The following ABCA4 variants were observed in gnomAD, a reference collection of about 807,000 sequenced individuals.
ABCA4 encodes ATP binding cassette subfamily A member 4.
ABCA4 carries 196 observed loss-of-function variants against 263.7 expected under a neutral mutation model. The observed-to-expected ratio is 0.74, with a 90% CI of 0.66 to 0.84. ABCA4 has a LOEUF of 0.84. Among genes scored for constraint, ABCA4 ranks in the 40% least tolerant of loss-of-function variants. The pLI, the probability that ABCA4 is intolerant of heterozygous loss-of-function variation, is 0.00. For synonymous variants in ABCA4, 1,133 were observed against 1,094.2 expected (o/e 1.04, Z -0.70); for missense variants, 2,792 against 2,855.1 (o/e 0.98, Z 0.50).
chr1:94,077,558 G>A, intron 11 of ABCA4, 132 bp downstream of exon 11: 3 of 818,334 alleles, frequency 3.7e-6, no homozygotes, highest in Non-Finnish European at 3.9e-6. Flanking sequence ...TACAGGGGAT[G>A]TAGGGATTCT....
At position 94,030,723 on chromosome 1, in the gene ABCA4, T is replaced by A. The variant is rs565283017; in HGVS notation, c.4254-197A>T. 8.5e-5 allele frequency among the ~76,000 whole-genome samples: 13 copies of A among 152,336 alleles called. No individual in the cohort carries two copies. The East Asian group carries it at 2.5e-3, about 29-fold the overall frequency. ...CAGTGGTCTGATGGCATGTCACCTA[T>A]GCCTCAAAAAGATGGCGCTTCAACC... On this transcript the variant is annotated intron_variant, in intron 28 of 49. Transcript: ENST00000370225.
chr1:94,029,693 A>ACAATTTCTTATGCC, intron 29 of ABCA4, 62 bp from the exon 30 acceptor site: 1 of 1,513,546 alleles, frequency 6.6e-7, no homozygotes, highest in Non-Finnish European at 9.1e-7. Flanking sequence ...ATCCCTAGGC[A>ACAATTTCTTATGCC]TAAGAAATTG....
In ABCA4 at chr1:93,992,993, C is replaced by G; in HGVS notation, c.*244G>C. On this transcript the variant is annotated 3_prime_UTR_variant, in exon 50 of 50. Transcript: ENST00000370225. ...GGCCCGGGGTTTCTAGTTCTGGGGT[C>G]TGGAGAAGGATTTTGTATTTGTTTG... 1 of 569,926 alleles carries G rather than the reference C, an allele frequency of 1.8e-6. No homozygotes were observed. Among genetic ancestry groups the G allele is most frequent in the Non-Finnish European group, 3.1e-6 (1 of 320,038 alleles). 35.3% of individuals were successfully genotyped at this position (569,926 alleles called of 1,614,324 possible). A position where few individuals can be genotyped will look rare whatever the true frequency, so the allele number is the denominator to read the frequency against.
intron 7 of ABCA4, among the ~76,000 whole-genome samples, chr1:94,082,057 A>T (rs1661716065): frequency 6.6e-6 from 1 of 152,176 alleles, no homozygotes. Flanking sequence ...CCACATGCCA[A>T]CACTTGCCCT....
intron 48 of ABCA4, 113 bp downstream of exon 48, chr1:93,997,748 A>C: frequency 3.5e-5 from 49 of 1,388,596 alleles, no homozygotes; most frequent in Middle Eastern, 2.3e-4. Context: ...ACAGAGGGCA[A>C]GAGTTTGTTA....
intron 39 of ABCA4, 46 bp from the exon 40 acceptor site, chr1:94,010,975 C>A: frequency 6.2e-7 from 1 of 1,613,762 alleles, no homozygotes; most frequent in South Asian, 1.1e-5. Context: ...CCCCAGCTCA[C>A]CCCACAGACC....
chr1:93,998,456 G>C lies in ABCA4; in HGVS notation c.6480-346C>G, dbSNP rs145254020. 4.7e-3 allele frequency among the ~76,000 whole-genome samples: 722 copies of C among 152,160 alleles called. 4 individuals are homozygous for C. The highest frequency in any genetic ancestry group is 0.011 in the South Asian group (54 of 4,814). ...TGATCATGCCACTGCACTCCAGCCT[G>C]GGTGACAGAGTGAGACCCTGTCTCA... is the stretch of plus-strand genomic sequence containing the variant. On this transcript the variant is annotated intron_variant, in intron 47 of 49. Transcript: ENST00000370225.
At chr1:94,006,977 C>G (rs2101002441) in intron 43 of ABCA4, among the ~76,000 whole-genome samples, 1 of 152,356 alleles carries the variant, frequency 6.6e-6, no homozygotes, top group African/African-American at 2.4e-5. Context: ...GGGGACCAGT[C>G]TGTTTAAACA....
chr1:94,042,698 G>T, intron 22 of ABCA4, 63 bp downstream of exon 22: 1 of 1,610,058 alleles, frequency 6.2e-7, no homozygotes. Flanking sequence ...AGGTGAGAGA[G>T]TGGGGACCAC....
chr1:94,033,856 T>G (rs1660272600), intron 26 of ABCA4, among the ~76,000 whole-genome samples: 1 of 152,080 alleles, frequency 6.6e-6, no homozygotes, highest in African/African-American at 2.4e-5. Flanking sequence ...TGATCCGGGC[T>G]CAGATTTGAT....
rs570702852 is a variant in ABCA4 at position 94,065,526 on chromosome 1, G to A, written c.1555-2209C>T. Among the ~76,000 whole-genome samples, 6 of 152,290 alleles carry A rather than the reference G, an allele frequency of 3.9e-5. No homozygotes were observed. The East Asian group carries it at 1.2e-3, about 29-fold the overall frequency. On this transcript the variant is annotated intron_variant, in intron 11 of 49. Coordinates refer to ENST00000370225, the MANE Select transcript of ABCA4 (RefSeq NM_000350.3). The stretch of plus-strand genomic sequence containing the variant: ...CCACCTGCGCCTCAGAGTATGCACC[G>A]GAAGCCTCTGGCGATTCAGAGGCTG...
rs141189538 is a variant in ABCA4 at position 94,073,785 on chromosome 1, T to A, written c.1554+3905A>T. 8.3e-3 allele frequency among the ~76,000 whole-genome samples: 1,270 copies of A among 152,186 alleles called. 13 individuals carry two copies. The highest frequency in any genetic ancestry group is 0.029 in the African/African-American group (1,200 of 41,522). The stretch of plus-strand genomic sequence containing the variant: ...AATAATCCTTCTGGAAAACAAGACA[T>A]TTATGTCACGATACGAATGTCAAGT... On this transcript the variant is annotated intron_variant, in intron 11 of 49. Transcript: ENST00000370225.
Position 94,062,576 on chromosome 1 carries a change from C to T in ABCA4, c.1937+1G>A, listed in dbSNP as rs61752401. ...AGGAGGATCGCGAACTTCAGACTCA[C>T]GAATCGTCCACGAAGCAGGGGTAGG... On this transcript the variant is annotated splice_donor_variant, in intron 13 of 49. Coordinates refer to ENST00000370225, the MANE Select transcript of ABCA4 (RefSeq NM_000350.3). LOFTEE classifies it high-confidence loss of function. 10 of 1,609,902 alleles carry T rather than the reference C, an allele frequency of 6.2e-6. No homozygotes were observed. The highest frequency in any genetic ancestry group is 7.6e-6 in the Non-Finnish European group (9 of 1,177,554).
Position 94,031,104 on chromosome 1 carries a change from G to A in ABCA4, c.4145C>T (p.Thr1382Ile), listed in dbSNP as rs1660189911. 3.1e-6 allele frequency: 5 copies of A among 1,614,152 alleles called. No individual in the cohort carries two copies. Among genetic ancestry groups the A allele is most frequent in the Middle Eastern group, 1.6e-4 (1 of 6,062 alleles). ...AAGCATCAGAGCCAAAAACACAAAGGTAGCCGGGAGCACGATCTGTGGGAG... is the reference window on the plus strand; with the variant it reads ...AAGCATCAGAGCCAAAAACACAAAGATAGCCGGGAGCACGATCTGTGGGAG... Reference protein sequence around the residue: ...DFLAQIVLPATFVFLALMLSI... With the variant: ...DFLAQIVLPAIFVFLALMLSI... The change falls in exon 28 of 50, where the codon ACC becomes ATC. Residue 1382 changes from threonine (T) to isoleucine (I), a missense_variant. Coordinates refer to ENST00000370225, the MANE Select transcript of ABCA4 (RefSeq NM_000350.3).
At chr1:94,042,959 C>T (rs1392855012) in intron 21 of ABCA4, 61 bp from the exon 22 acceptor site, 4 of 1,609,382 alleles carry the variant, frequency 2.5e-6, no homozygotes, top group Non-Finnish European at 3.4e-6. Flanking sequence ...AGAGAAAGGC[C>T]CAGGGCAAGT....
rs1659845637 is a variant in ABCA4, at chr1:94,019,746, C to T, written c.5032G>A (p.Val1678Met). The part of the protein sequence containing the change: ...LSEITVLTTS[V>M]DAVVAICVIF... ...ACGCAGATGGCAACCACAGCATCCACTGAAGTGGTCAGCCTGCAGCAGGGC... is the reference window on the plus strand; with the variant it reads ...ACGCAGATGGCAACCACAGCATCCATTGAAGTGGTCAGCCTGCAGCAGGGC... The change falls in exon 36 of 50, where the codon GTG (valine) becomes ATG (methionine). Residue 1678 changes from valine to methionine, a missense_variant. Val to Met is a conservative substitution (Grantham distance 21, BLOSUM62 1). Coordinates refer to ENST00000370225, the MANE Select transcript of ABCA4 (RefSeq NM_000350.3). 6.2e-7 allele frequency: 1 copy of T among 1,612,536 alleles called. No individual in the cohort carries two copies. Among genetic ancestry groups the T allele is most frequent in the Admixed American group, 1.7e-5 (1 of 59,790 alleles).
intron 2 of ABCA4, 22 bp from the exon 3 acceptor site, chr1:94,111,601 C>G: frequency 6.2e-7 from 1 of 1,614,010 alleles, no homozygotes; most frequent in Non-Finnish European, 8.5e-7. Context: ...AAAATGAGGA[C>G]AAGACGGGAT....
At chr1:94,046,455 C>CAAAAAAAAAAAAA (rs61333901) in intron 19 of ABCA4, among the ~76,000 whole-genome samples, 2 of 42,240 alleles carry the variant, frequency 4.7e-5, no homozygotes, top group Non-Finnish European at 9.0e-5. Context: ...GTTACTATCT[C>CAAAAAAAAAAAAA]AAAAAAAAAA....
At chr1:94,013,561 G>A (rs1219879242) in intron 38 of ABCA4, among the ~76,000 whole-genome samples, 1 of 152,206 alleles carries the variant, frequency 6.6e-6, no homozygotes, top group Non-Finnish European at 1.5e-5. Context: ...ATGTTCCAAG[G>A]ACAGCCACAG....
Sources: allele counts gnomAD v4.1 joint callset (sites outside exome capture counted in the v4.1 genomes callset), GRCh38; gene constraint gnomAD v4.1.1; transcripts MANE v1.5; gene names NCBI Gene and HGNC (gene_info 2026-07-23, HGNC 2026-07-21).